The following ZBED4 variants were observed in gnomAD, a reference collection of about 807,000 sequenced individuals.
ZBED4 encodes zinc finger BED domain-containing protein 4.
Under a neutral mutation model 15.5 loss-of-function variants are expected in ZBED4, and 4 were observed. The ratio of observed to expected loss-of-function variants is 0.26; its 90% confidence interval spans 0.13 to 0.59. ZBED4 has a LOEUF of 0.59. ZBED4 is among the 20% of genes least tolerant of loss of function. The pLI is 0.90. For synonymous variants in ZBED4, 692 were observed against 608.5 expected, an observed-to-expected ratio of 1.14 and a Z score of -2.02; for missense variants, 1,323 against 1,461.8, an observed-to-expected ratio of 0.91 and a Z score of 1.55.
rs1449648119 is a variant in ZBED4, at chr22:49,886,521, C to T, written c.2859C>T (p.Thr953=). The change falls in exon 2 of 2, where the codon ACC becomes ACT. Residue 953 remains threonine (T), a synonymous_variant. Coordinates refer to ENST00000216268, the MANE Select transcript of ZBED4 (RefSeq NM_014838.3). The surrounding 1 kb of genome is among the most constrained non-coding windows in gnomAD (Gnocchi z 7.7). ...GGGAGATGAGCACGCAGATGTCCAC[C>T]CTCAGCCAGGTCATCCCCATGGTAC... ...ASREMSTQMS[T]LSQVIPMVHI... 2.5e-6 allele frequency: 4 copies of T among 1,569,026 alleles called. No individual in the cohort carries two copies. Among genetic ancestry groups the T allele is most frequent in the Admixed American group, 3.6e-5 (2 of 55,046 alleles).
rs975862932 is a variant in ZBED4 at position 49,874,636 on chromosome 22, G to A, written c.-329-8698G>A. Among the ~76,000 whole-genome samples, 9 of 135,476 alleles carry A rather than the reference G, an allele frequency of 6.6e-5. No individual in the cohort carries two copies. In the South Asian group the frequency reaches 2.1e-3, roughly 32 times the overall value. The allele number at this position is 135,476 out of a possible 152,430, so 88.9% of individuals were successfully genotyped here. On this transcript the variant is annotated intron_variant, in intron 1 of 1. Transcript: ENST00000216268. ...GATCCAGCTGCCTTGGCCTCCCGAA[G>A]TGCTGGGATTACAGGCGTGAACCAC...
chr22:49,882,094 G>A (rs995138928), intron 1 of ZBED4, among the ~76,000 whole-genome samples: 18 of 152,150 alleles, frequency 1.2e-4, no homozygotes, highest in African/African-American at 2.7e-4. Flanking sequence ...GGTGACTTCA[G>A]TTCTTGGTTC....
intron 1 of ZBED4, among the ~76,000 whole-genome samples, chr22:49,858,815 C>G (rs559614205): frequency 4.6e-5 from 7 of 152,186 alleles, no homozygotes; most frequent in African/African-American, 1.7e-4. Flanking sequence ...CAACCAGAAT[C>G]GAGTACAGGG....
chr22:49,860,812 TCTGTTGCCCAGGCTGGAGTG>T (rs2060293872), intron 1 of ZBED4, among the ~76,000 whole-genome samples: 1 of 150,046 alleles, frequency 6.7e-6, no homozygotes, highest in African/African-American at 2.5e-5. Context: ...AGAGTCTTGC[TCTGTTGCCCAGGCTGGAGTG>T]CAGTGGCTCG....
At chr22:49,870,320 T>A (rs1240798760) in intron 1 of ZBED4, among the ~76,000 whole-genome samples, 1 of 152,134 alleles carries the variant, frequency 6.6e-6, no homozygotes, top group African/African-American at 2.4e-5. Context: ...GTAGAATGAT[T>A]TATTTCTTTG....
At chr22:49,871,927 G>A (rs1425390202) in intron 1 of ZBED4, among the ~76,000 whole-genome samples, 1 of 151,872 alleles carries the variant, frequency 6.6e-6, no homozygotes, top group Non-Finnish European at 1.5e-5. Flanking sequence ...TGTATTTTTA[G>A]TAGAGACGAG....
At chr22:49,858,146 C>A (rs1474221455) in intron 1 of ZBED4, among the ~76,000 whole-genome samples, 1 of 152,154 alleles carries the variant, frequency 6.6e-6, no homozygotes, top group Admixed American at 6.5e-5. Flanking sequence ...AGGTGATCCA[C>A]CCGCCTTTGC....
chr22:49,854,208 G>T (rs1008978206), intron 1 of ZBED4, among the ~76,000 whole-genome samples: 1 of 147,322 alleles, frequency 6.8e-6, no homozygotes, highest in Non-Finnish European at 1.5e-5. Flanking sequence ...TGGCGCGGGG[G>T]CGGCGCCGAC....
intron 1 of ZBED4, among the ~76,000 whole-genome samples, chr22:49,859,197 CTTT>C (rs1171137621): frequency 6.6e-6 from 1 of 152,102 alleles, no homozygotes; most frequent in Non-Finnish European, 1.5e-5. Flanking sequence ...TGTTTCCCTT[CTTT>C]GTTACGTCTT....
At chr22:49,880,681 G>C (rs2060404556) in intron 1 of ZBED4, among the ~76,000 whole-genome samples, 1 of 152,330 alleles carries the variant, frequency 6.6e-6, no homozygotes, top group Non-Finnish European at 1.5e-5. Context: ...GTCCAGCTTT[G>C]TTCTTTCTTT....
chr22:49,871,580 AG>A (rs1001304399), intron 1 of ZBED4, among the ~76,000 whole-genome samples: 4 of 152,090 alleles, frequency 2.6e-5, no homozygotes, highest in African/African-American at 9.7e-5. Flanking sequence ...ATTTTTAAAA[AG>A]CTTGTTGCTG....
rs546067370 is a variant in ZBED4, at chr22:49,888,046, T to C, written c.*868T>C. On this transcript the variant is annotated 3_prime_UTR_variant, in exon 2 of 2. Transcript: ENST00000216268. ...ACTGACCCCCTTGTTTGATCAAATTTGTGTAAAATTTTTTTAGAAGAGATG... is the reference window on the plus strand; with the variant it reads ...ACTGACCCCCTTGTTTGATCAAATTCGTGTAAAATTTTTTTAGAAGAGATG... The C allele has an allele frequency of 4.2e-4, 71 of 167,376 alleles. No individual in the cohort carries two copies. Among genetic ancestry groups the C allele is most frequent in the Non-Finnish European group, 6.3e-4 (43 of 68,118 alleles). 10.4% of individuals were successfully genotyped at this position (167,376 alleles called of 1,614,324 possible). A position where few individuals can be genotyped will look rare whatever the true frequency, so the allele number is the denominator to read the frequency against.
chr22:49,865,055 T>G (rs2060315596), intron 1 of ZBED4, among the ~76,000 whole-genome samples: 1 of 150,728 alleles, frequency 6.6e-6, no homozygotes, highest in Non-Finnish European at 1.5e-5. Flanking sequence ...CGGGTCTCAC[T>G]AAGGGCAGGG....
rs964860987 is a variant in ZBED4 at position 49,887,975 on chromosome 22, C to T, written c.*797C>T. Reference sequence around the variant, plus strand: ...GTCCCTGCTGAAACCCCCACGCCTCCGCTTCAGCATCTCCACGCTCTGAAG... The same window carrying T: ...GTCCCTGCTGAAACCCCCACGCCTCTGCTTCAGCATCTCCACGCTCTGAAG... On this transcript the variant is annotated 3_prime_UTR_variant, in exon 2 of 2. Transcript: ENST00000216268. The T allele has an allele frequency of 5.4e-5, 9 of 167,236 alleles. No individual in the cohort carries two copies. Among genetic ancestry groups the T allele is most frequent in the African/African-American group, 1.7e-4 (7 of 41,454 alleles). The allele number at this position is 167,236 out of a possible 1,614,324, so 10.4% of individuals were successfully genotyped here.
chr22:49,886,803 C>T lies in ZBED4; in HGVS notation c.3141C>T (p.His1047=), dbSNP rs1367367144. 4 of 1,612,982 alleles carry T rather than the reference C, an allele frequency of 2.5e-6. No individual in the cohort carries two copies. Among genetic ancestry groups the T allele is most frequent in the Non-Finnish European group, 3.4e-6 (4 of 1,179,608 alleles). The change falls in exon 2 of 2, where the codon CAC becomes CAT. Residue 1047 remains histidine (H), a synonymous_variant. Coordinates refer to ENST00000216268, the MANE Select transcript of ZBED4 (RefSeq NM_014838.3). The surrounding 1 kb of genome is among the most constrained non-coding windows in gnomAD (Gnocchi z 7.7). The part of the protein sequence containing the change: ...NSTSEDVAAS[H]RCDAGSPSKD... ...CCTCAGAGGACGTGGCTGCCTCCCA[C>T]AGGTGTGATGCTGGCTCCCCGTCGA...
chr22:49,884,894 T>G lies in ZBED4; in HGVS notation c.1232T>G (p.Val411Gly). ...LNPGDGLMED[V>G]AAFSSSDDIG... ...CCTGGAGATGGGCTGATGGAAGACG[T>G]GGCGGCCTTCTCATCTTCCGATGAC... Residue 411 changes from valine to glycine, a missense_variant, in exon 2 of 2, where the codon GTG (valine) becomes GGG (glycine). Transcript: ENST00000216268. The G allele has an allele frequency of 1.9e-6, 3 of 1,603,364 alleles. No individual in the cohort carries two copies. The highest frequency in any genetic ancestry group is 2.6e-6 in the Non-Finnish European group (3 of 1,173,034).
rs911397457 is a variant in ZBED4, at chr22:49,884,996, C to T, written c.1334C>T (p.Ala445Val). 2.5e-6 allele frequency: 4 copies of T among 1,613,194 alleles called. No homozygotes were observed. In the African/African-American group the frequency reaches 5.3e-5, roughly 22 times the overall value. Residue 445 changes from alanine (A) to valine (V), a missense_variant, in exon 2 of 2, where the codon GCC becomes GTC. By Grantham distance (64) the Ala-to-Val change is moderately conservative. Coordinates refer to ENST00000216268, the MANE Select transcript of ZBED4 (RefSeq NM_014838.3). The part of the protein sequence containing the change: ...GLSPRLFESG[A>V]IFQQNKKVMK... ...AGTCCTAGATTGTTTGAATCTGGCG[C>T]CATCTTCCAGCAGAATAAAAAGGTC...
chr22:49,861,969 G>A (rs1189178999), intron 1 of ZBED4, among the ~76,000 whole-genome samples: 1 of 152,190 alleles, frequency 6.6e-6, no homozygotes, highest in Non-Finnish European at 1.5e-5. Flanking sequence ...CCTGCACCCT[G>A]TCAGCACTGT....
intron 1 of ZBED4, among the ~76,000 whole-genome samples, chr22:49,883,053 G>A (rs1264700160): frequency 6.6e-6 from 1 of 152,206 alleles, no homozygotes; most frequent in Admixed American, 6.5e-5. Flanking sequence ...TCTAGATGAG[G>A]CAACCTCTTT....
Sources: gnomAD v4.1 joint callset for allele counts (sites outside exome capture counted in the v4.1 genomes callset) on GRCh38, gnomAD v4.1.1 for gene constraint, Gnocchi (gnomAD v3.1) non-coding constraint, MANE v1.5 for transcripts, NCBI Gene and HGNC (gene_info 2026-07-23, HGNC 2026-07-21) for gene names.